Variants in SERHL2 observed in about 807,000 individuals in gnomAD.
SERHL2 encodes serine hydrolase-like protein 2.
SERHL2 carries 29 observed loss-of-function variants against 25.5 expected under a neutral mutation model. That is an observed-to-expected ratio of 1.14 (90% CI 0.85 to 1.55). The LOEUF is 1.55. Ranked by LOEUF, SERHL2 falls within the 40% of genes most tolerant of loss-of-function variation. The pLI is 0.00. For synonymous variants in SERHL2, 95 were observed against 103.5 expected, an observed-to-expected ratio of 0.92 and a Z score of 0.50; for missense variants, 240 against 252.3, an observed-to-expected ratio of 0.95 and a Z score of 0.33.
At chr22:42,566,209 C>G (rs1188979028) in intron 8 of SERHL2, 95 bp from the exon 9 acceptor site, 2 of 1,264,178 alleles carry the variant, frequency 1.6e-6, no homozygotes, top group Non-Finnish European at 2.3e-6. Context: ...TGGGCCCTGG[C>G]TGCAAAGGCC....
intron 11 of SERHL2, chr22:42,573,659 AC>A (rs1301332338): frequency 4.3e-6 from 2 of 459,808 alleles, no homozygotes; most frequent in Admixed American, 3.5e-5. Flanking sequence ...AATCACAGCA[AC>A]CCTGGCCTCG....
chr22:42,571,948 G>GGGCGGGT (rs1924274244), intron 10 of SERHL2: 1 of 126,892 alleles, frequency 7.9e-6, no homozygotes. Flanking sequence ...GGGGGGCGGG[G>GGGCGGGT]GGTGGGGTGG....
chr22:42,573,476 C>G lies in SERHL2; in HGVS notation c.826-460C>G, dbSNP rs149329888. 2.7e-3 allele frequency: 440 copies of G among 163,858 alleles called. 4 individuals carry two copies. Among genetic ancestry groups the G allele is most frequent in the African/African-American group, 9.7e-3 (402 of 41,618 alleles). The allele number at this position is 163,858 out of a possible 1,614,324, so 10.2% of individuals were successfully genotyped here. On this transcript the variant is annotated intron_variant, in intron 11 of 11. Transcript: ENST00000327678. Reference sequence around the variant, plus strand: ...ACCAGGATGCTCTTGATCTCCTGACCTCGTGATCCGCCCACCTTGGCCTCC... The same window carrying G: ...ACCAGGATGCTCTTGATCTCCTGACGTCGTGATCCGCCCACCTTGGCCTCC...
rs139690969 is a variant in SERHL2, at chr22:42,566,153, C to CA, written c.614-150dup. On this transcript the variant is annotated intron_variant, in intron 8 of 11. Transcript: ENST00000327678. The stretch of plus-strand genomic sequence containing the variant: ...GCCCTGCTCCAGCTGGACCCCAGGA[C>CA]AGGGAGTCCTGGGCAGCTGAGGACG... 403 of 709,480 alleles carry CA rather than the reference C, an allele frequency of 5.7e-4. 1 individual carries two copies. The African/African-American group carries it at 6.6e-3, about 12-fold the overall frequency. The allele number at this position is 709,480 out of a possible 1,614,324, so 43.9% of individuals were successfully genotyped here. A position where few individuals can be genotyped will look rare whatever the true frequency, so the allele number is the denominator to read the frequency against.
At chr22:42,563,186 T>C (rs560915296) in intron 8 of SERHL2, among the ~76,000 whole-genome samples, 1 of 125,808 alleles carries the variant, frequency 7.9e-6, no homozygotes, top group South Asian at 2.4e-4. Context: ...CTTTTTCTTT[T>C]TTTCTTTTTT....
rs747732027 is a variant in SERHL2 at position 42,572,549 on chromosome 22, G to C, written c.825+20G>C. ...AAAGAGGTAAGACGGGGCTCAGGCA[G>C]CTGGTGTCCAGCCACTGTCGCCCAC... On this transcript the variant is annotated intron_variant, in intron 11 of 11. Coordinates refer to ENST00000327678, the MANE Select transcript of SERHL2 (RefSeq NM_014509.5). The C allele has an allele frequency of 2.5e-6, 4 of 1,610,018 alleles. No individual in the cohort carries two copies. The highest frequency in any genetic ancestry group is 1.7e-4 in the Middle Eastern group (1 of 6,030).
Position 42,574,217 on chromosome 22 carries a change from C to T in SERHL2, c.*162C>T. On this transcript the variant is annotated 3_prime_UTR_variant, in exon 12 of 12. Transcript: ENST00000327678. Reference sequence around the variant, plus strand: ...AGGGGAAGGAGCGAGATTCCAACTTCAACATCTGTGACCTCAAGGGGGAGA... The same window carrying T: ...AGGGGAAGGAGCGAGATTCCAACTTTAACATCTGTGACCTCAAGGGGGAGA... The T allele has an allele frequency of 1.3e-5, 8 of 639,402 alleles. No individual in the cohort carries two copies. In the South Asian group the frequency reaches 1.4e-4, roughly 11 times the overall value. 39.6% of individuals were successfully genotyped at this position (639,402 alleles called of 1,614,324 possible). A position where few individuals can be genotyped will look rare whatever the true frequency, so the allele number is the denominator to read the frequency against.
intron 11 of SERHL2, among the ~76,000 whole-genome samples, chr22:42,573,033 C>G (rs1924457689): frequency 6.6e-6 from 1 of 151,814 alleles, no homozygotes; most frequent in Non-Finnish European, 1.5e-5. Context: ...TCCCTCTGCA[C>G]CCATCATGAC....
At chr22:42,565,700 C>A (rs1032410586) in intron 8 of SERHL2, among the ~76,000 whole-genome samples, 5 of 151,546 alleles carry the variant, frequency 3.3e-5, no homozygotes, top group African/African-American at 9.7e-5. Context: ...GTGATCCTCC[C>A]ACTTCGGCCT....
intron 8 of SERHL2, 122 bp downstream of exon 8, chr22:42,560,387 C>T (rs1421727523): frequency 2.8e-6 from 2 of 712,342 alleles, no homozygotes; most frequent in Non-Finnish European, 2.5e-6. Context: ...TCACTGAATC[C>T]CCCTCCTGCC....
rs111909285 is a variant in SERHL2, at chr22:42,573,675, C to T, written c.826-261C>T. On this transcript the variant is annotated intron_variant, in intron 11 of 11. Transcript: ENST00000327678. ...ATCACAGCAACCCTGGCCTCGGCCC[C>T]GCCCTGTCCCTGCCATGCAACTTCA... The T allele has an allele frequency of 3.3e-3, 1,714 of 515,456 alleles. 21 individuals are homozygous for T. The highest frequency in any genetic ancestry group is 0.024 in the African/African-American group (1,230 of 51,668). The allele number at this position is 515,456 out of a possible 1,614,324, so 31.9% of individuals were successfully genotyped here.
intron 8 of SERHL2, among the ~76,000 whole-genome samples, chr22:42,562,010 T>C (rs1003384205): frequency 1.3e-5 from 2 of 151,564 alleles, no homozygotes; most frequent in African/African-American, 4.8e-5. Flanking sequence ...GGCACCCCTA[T>C]GTGGGTGTCA....
At chr22:42,563,963 CT>C (rs1923017035) in intron 8 of SERHL2, among the ~76,000 whole-genome samples, 1 of 122,440 alleles carries the variant, frequency 8.2e-6, no homozygotes, top group Non-Finnish European at 1.7e-5. Flanking sequence ...ATCCCAGCTA[CT>C]GGGGAGGCTG....
chr22:42,554,128 TCGC>T, intron 1 of SERHL2, 86 bp downstream of exon 1: 1 of 1,494,750 alleles, frequency 6.7e-7, no homozygotes, highest in Non-Finnish European at 9.2e-7. Context: ...AGTGGAGGGT[TCGC>T]CGACCGCGTC....
At position 42,574,142 on chromosome 22, in the gene SERHL2, T is replaced by G. The variant is rs983863931; in HGVS notation, c.*87T>G. The stretch of plus-strand genomic sequence containing the variant: ...CTGAGCCCCACAACAAGGCCAGGGA[T>G]GGTGGGGACAGGCCTCACTAGTCTT... On this transcript the variant is annotated 3_prime_UTR_variant, in exon 12 of 12. Coordinates refer to ENST00000327678, the MANE Select transcript of SERHL2 (RefSeq NM_014509.5). 1.1e-5 allele frequency: 14 copies of G among 1,279,150 alleles called. No individual in the cohort carries two copies. In the African/African-American group the frequency reaches 1.6e-4, roughly 15 times the overall value. 79.2% of individuals were successfully genotyped at this position (1,279,150 alleles called of 1,614,324 possible).
At chr22:42,569,840 TG>T (rs1923922613) in intron 9 of SERHL2, 1 of 30,686 alleles carries the variant, frequency 3.3e-5, no homozygotes, top group South Asian at 7.1e-4. Context: ...CATAGCAATT[TG>T]TGTGTGTGTG....
intron 9 of SERHL2, among the ~76,000 whole-genome samples, chr22:42,568,371 C>T (rs1923698108): frequency 6.9e-6 from 1 of 144,570 alleles, no homozygotes; most frequent in African/African-American, 2.6e-5. Flanking sequence ...GGGTGGTCCT[C>T]CCTACCCACT....
chr22:42,568,403 T>C (rs1325773395), intron 9 of SERHL2, among the ~76,000 whole-genome samples: 1 of 151,414 alleles, frequency 6.6e-6, no homozygotes, highest in Non-Finnish European at 1.5e-5. Context: ...ACTGGTGGTT[T>C]GTCCCTTGTG....
Position 42,572,428 on chromosome 22 carries a change from C to A in SERHL2, c.732-8C>A. On this transcript the variant is annotated splice_polypyrimidine_tract_variant and splice_region_variant and intron_variant, in intron 10 of 11. Transcript: ENST00000327678. The stretch of plus-strand genomic sequence containing the variant: ...AACCCCAACAACCCCCAACTCCTCA[C>A]TTTCCAGAGCAGTCCACGGATATTT... The A allele has an allele frequency of 6.2e-7, 1 of 1,603,232 alleles. No homozygotes were observed. Among genetic ancestry groups the A allele is most frequent in the South Asian group, 1.1e-5 (1 of 90,458 alleles).
Sources: gnomAD v4.1 joint callset for allele counts (sites outside exome capture counted in the v4.1 genomes callset) on GRCh38, gnomAD v4.1.1 for gene constraint, MANE v1.5 for transcripts, NCBI Gene and HGNC (gene_info 2026-07-23, HGNC 2026-07-21) for gene names.